B3GALT1: variants seen among roughly 807,000 people sequenced by gnomAD.
The protein encoded by B3GALT1 is beta-1,3-galactosyltransferase 1.
B3GALT1 carries 10 observed loss-of-function variants against 23.2 expected under a neutral mutation model. The ratio of observed to expected loss-of-function variants is 0.43; its 90% confidence interval spans 0.27 to 0.73. The LOEUF is 0.73. Ranked by LOEUF, B3GALT1 falls within the 30% of genes least tolerant of loss-of-function variation. The pLI, the probability that B3GALT1 is intolerant of heterozygous loss-of-function variation, is 0.21. For missense variants in B3GALT1, 299 were observed against 405.4 expected, an observed-to-expected ratio of 0.74 and a Z score of 2.25; for synonymous variants, 156 against 141.5, an observed-to-expected ratio of 1.10 and a Z score of -0.73.
chr2:167,378,813 C>A (rs933945697), intron 1 of B3GALT1, among the ~76,000 whole-genome samples: 1 of 152,076 alleles, frequency 6.6e-6, no homozygotes, highest in African/African-American at 2.4e-5. Flanking sequence ...CTTTATCTGT[C>A]ATTTCTGAGT....
At chr2:167,394,238 A>G (rs895031251) in intron 1 of B3GALT1, among the ~76,000 whole-genome samples, 1 of 152,210 alleles carries the variant, frequency 6.6e-6, no homozygotes, top group African/African-American at 2.4e-5. Flanking sequence ...TATGCCTTCT[A>G]CTGATTTAAA....
chr2:167,656,043 A>T (rs1685950434), intron 3 of B3GALT1, among the ~76,000 whole-genome samples: 1 of 152,090 alleles, frequency 6.6e-6, no homozygotes, highest in Non-Finnish European at 1.5e-5. Flanking sequence ...TGACAGTCTC[A>T]CTGTCTGTTT....
intron 1 of B3GALT1, among the ~76,000 whole-genome samples, chr2:167,316,544 A>G (rs1696721442): frequency 6.6e-6 from 1 of 152,038 alleles, no homozygotes; most frequent in African/African-American, 2.4e-5. Flanking sequence ...TCACTCTCCA[A>G]CTGAGGGCTT....
At chr2:167,627,690 G>A (rs1685370702) in intron 2 of B3GALT1, among the ~76,000 whole-genome samples, 1 of 151,582 alleles carries the variant, frequency 6.6e-6, no homozygotes, top group Non-Finnish European at 1.5e-5. Context: ...AAAGACCTGG[G>A]AGTGGAACAA....
intron 2 of B3GALT1, among the ~76,000 whole-genome samples, chr2:167,535,989 T>C (rs970395066): frequency 6.6e-6 from 1 of 152,140 alleles, no homozygotes; most frequent in African/African-American, 2.4e-5. Context: ...AGTGGCGTGA[T>C]CATGGCTCAC....
At chr2:167,574,233 A>G (rs1308122169) in intron 2 of B3GALT1, among the ~76,000 whole-genome samples, 1 of 151,732 alleles carries the variant, frequency 6.6e-6, no homozygotes, top group East Asian at 1.9e-4. Flanking sequence ...ACCTTCAAAA[A>G]GGAGCAGAGA....
chr2:167,378,890 G>A (rs1697802278), intron 1 of B3GALT1, among the ~76,000 whole-genome samples: 1 of 152,116 alleles, frequency 6.6e-6, no homozygotes, highest in Non-Finnish European at 1.5e-5. Flanking sequence ...ACTACATTCA[G>A]ATTTTTCAAG....
At chr2:167,521,712 A>G (rs183865520) in intron 2 of B3GALT1, among the ~76,000 whole-genome samples, 2 of 152,156 alleles carry the variant, frequency 1.3e-5, no homozygotes, top group Admixed American at 6.6e-5. Flanking sequence ...CAGGACACTC[A>G]GTTCTTTACA....
chr2:167,477,052 A>C (rs1427040137), intron 1 of B3GALT1, among the ~76,000 whole-genome samples: 1 of 152,220 alleles, frequency 6.6e-6, no homozygotes, highest in African/African-American at 2.4e-5. Context: ...GTCATCAAAG[A>C]ATCCTAATGC....
intron 3 of B3GALT1, among the ~76,000 whole-genome samples, chr2:167,647,177 A>G (rs1231845730): frequency 6.6e-6 from 1 of 152,240 alleles, no homozygotes; most frequent in Non-Finnish European, 1.5e-5. Context: ...TTCCCCATGA[A>G]GGTATCCACA....
At chr2:167,715,808 A>G in intron 3 of B3GALT1, 4 of 1,613,762 alleles carry the variant, frequency 2.5e-6, no homozygotes, top group Middle Eastern at 1.7e-4. Flanking sequence ...TTTTTCTTCA[A>G]TTAGTCCAGA....
intron 3 of B3GALT1, among the ~76,000 whole-genome samples, chr2:167,667,930 A>G (rs1438781824): frequency 6.6e-6 from 1 of 152,170 alleles, no homozygotes; most frequent in African/African-American, 2.4e-5. Flanking sequence ...GATCTTCTGA[A>G]GCCTTCTTCT....
chr2:167,539,721 A>G lies in B3GALT1; in HGVS notation c.-410+49444A>G, dbSNP rs148467434. Among the ~76,000 whole-genome samples, 860 of 152,260 alleles carry G rather than the reference A, an allele frequency of 5.6e-3. 11 individuals are homozygous for G. Among genetic ancestry groups the G allele is most frequent in the African/African-American group, 0.02 (822 of 41,568 alleles). The stretch of plus-strand genomic sequence containing the variant: ...AAAATAGCCTTCTTTCTATTTATAC[A>G]GCTTTATTTGAGGTTATTAGAAGGT... On this transcript the variant is annotated intron_variant, in intron 2 of 4. Transcript: ENST00000392690.
chr2:167,841,768 G>A (rs182298397), intron 4 of B3GALT1, among the ~76,000 whole-genome samples: 1 of 152,202 alleles, frequency 6.6e-6, no homozygotes, highest in African/African-American at 2.4e-5. Flanking sequence ...AAATCAGAAT[G>A]GTTACAGTGA....
chr2:167,781,061 G>A (rs540345674), intron 3 of B3GALT1, among the ~76,000 whole-genome samples: 3 of 152,284 alleles, frequency 2.0e-5, no homozygotes, highest in Non-Finnish European at 2.9e-5. Context: ...AGCCCACCTA[G>A]TCCAGCACAT....
At chr2:167,300,297 C>G (rs1004309797) in intron 1 of B3GALT1, among the ~76,000 whole-genome samples, 4 of 152,108 alleles carry the variant, frequency 2.6e-5, no homozygotes, top group African/African-American at 9.7e-5. Context: ...GAATCAGAAG[C>G]TATTAAAATT....
At chr2:167,568,433 T>A (rs1684219119) in intron 2 of B3GALT1, among the ~76,000 whole-genome samples, 1 of 152,102 alleles carries the variant, frequency 6.6e-6, no homozygotes, top group African/African-American at 2.4e-5. Flanking sequence ...TTGGTCATTC[T>A]AATAGATAGG....
At chr2:167,353,615 G>A (rs1382178552) in intron 1 of B3GALT1, among the ~76,000 whole-genome samples, 1 of 151,988 alleles carries the variant, frequency 6.6e-6, no homozygotes, top group Non-Finnish European at 1.5e-5. Context: ...AGTATCATCA[G>A]GGATAATACT....
chr2:167,488,628 T>C (rs1023341265), intron 1 of B3GALT1, among the ~76,000 whole-genome samples: 5 of 152,234 alleles, frequency 3.3e-5, no homozygotes, highest in African/African-American at 9.6e-5. Context: ...CAATAAAGTA[T>C]ACAGATTTTA....
Sources: allele counts gnomAD v4.1 joint callset (sites outside exome capture counted in the v4.1 genomes callset), GRCh38; gene constraint gnomAD v4.1.1; transcripts MANE v1.5; gene names NCBI Gene and HGNC (gene_info 2026-07-23, HGNC 2026-07-21).